TPPP2: variants seen among roughly 807,000 people sequenced by gnomAD.
The protein encoded by TPPP2 is tubulin polymerization promoting protein family member 2, also known as tubulin polymerization-promoting protein family member 2.
In TPPP2, 8 loss-of-function variants were observed where a neutral mutation model predicts 13.0. The observed-to-expected ratio is 0.62, with a 90% CI of 0.36 to 1.11. TPPP2 has a LOEUF of 1.11. Ranked by LOEUF, TPPP2 falls within the 50% of genes most tolerant of loss-of-function variation. The pLI is 0.02. For synonymous variants in TPPP2, 81 were observed against 81.8 expected, an observed-to-expected ratio of 0.99 and a Z score of 0.05; for missense variants, 213 against 216.9, an observed-to-expected ratio of 0.98 and a Z score of 0.11.
downstream of TPPP2, chr14:21,034,389 T>G: frequency 1.2e-6 from 1 of 823,854 alleles, no homozygotes; most frequent in Non-Finnish European, 1.9e-6. Context: ...CCAACAGTAC[T>G]TTAGAGATCA....
intron 2 of TPPP2, 128 bp from the exon 3 acceptor site, chr14:21,030,884 C>T (rs1884054273): frequency 2.0e-6 from 3 of 1,507,054 alleles, no homozygotes; most frequent in Non-Finnish European, 2.7e-6. Flanking sequence ...GCTGTGCTAT[C>T]CTTTGTCTTC....
At chr14:21,027,643 G>A (rs1050912463), upstream of TPPP2, among the ~76,000 whole-genome samples, 1 of 152,198 alleles carries the variant, frequency 6.6e-6, no homozygotes, top group African/African-American at 2.4e-5. Context: ...CACAACATCT[G>A]TAAATGCGGT....
At chr14:21,030,852 C>A in intron 2 of TPPP2, 98 bp downstream of exon 2, 1 of 1,515,036 alleles carries the variant, frequency 6.6e-7, no homozygotes, top group Middle Eastern at 2.3e-4. Context: ...GTGGGCCTAC[C>A]AAGCACCACA....
At chr14:21,033,363 G>A, downstream of TPPP2, 1 of 276,368 alleles carries the variant, frequency 3.6e-6, no homozygotes, top group East Asian at 1.0e-4. Flanking sequence ...CCCTGAGTAG[G>A]TGGGTGAGTG....
At position 21,025,149 on chromosome 14, in the gene TPPP2, G is replaced by T; in HGVS notation, n.236+805G>T. 1.0e-6 allele frequency: 1 copy of T among 959,268 alleles called. No individual in the cohort carries two copies. Among genetic ancestry groups the T allele is most frequent in the African/African-American group, 1.8e-5 (1 of 56,004 alleles). The allele number at this position is 959,268 out of a possible 1,614,324, so 59.4% of individuals were successfully genotyped here. On this transcript the variant is annotated intron_variant and non_coding_transcript_variant, in intron 1 of 1. Transcript: ENST00000533755. The surrounding 1 kb of genome is among the most constrained non-coding windows in gnomAD (Gnocchi z 5.1). ...CCCGCCCACGGGCGCTAGGCTCCCC[G>T]CAGACCCGCCCCAGACCCCCAGTAA...
intron 1 of TPPP2, chr14:21,024,702 G>A (rs1882813358): frequency 1.0e-6 from 1 of 985,372 alleles, no homozygotes; most frequent in African/African-American, 1.7e-5. Context: ...CCATCGGGAA[G>A]GGATGGGTAG....
rs374336364 is a variant in TPPP2, at chr14:21,031,065, A to T, written c.227A>T (p.Glu76Val). ...CAACAGTTCAAAGAGGCAGTGAAGG[A>T]ACTGGGCCAGAAGCGCTTCAAAGGG... Reference protein sequence around the residue: ...TFQQFKEAVKELGQKRFKGKS... With the variant: ...TFQQFKEAVKVLGQKRFKGKS... The change falls in exon 3 of 4, where the codon GAA (glutamate) becomes GTA (valine). Residue 76 changes from glutamate to valine, a missense_variant. Physicochemically the swap from Glu to Val is moderately radical, Grantham distance 121. Coordinates refer to ENST00000321760, the MANE Select transcript of TPPP2 (RefSeq NM_173846.5). 24 of 1,614,180 alleles carry T rather than the reference A, an allele frequency of 1.5e-5. No individual in the cohort carries two copies. Among genetic ancestry groups the T allele is most frequent in the East Asian group, 6.7e-5 (3 of 44,884 alleles).
upstream of TPPP2, among the ~76,000 whole-genome samples, chr14:21,028,186 T>C (rs1883823522): frequency 6.6e-6 from 1 of 152,166 alleles, no homozygotes. Context: ...AATTAGGCCA[T>C]ATGACCCCAG....
chr14:21,034,938 T>C (rs987158022), downstream of TPPP2, among the ~76,000 whole-genome samples: 2 of 152,246 alleles, frequency 1.3e-5, no homozygotes, highest in Non-Finnish European at 2.9e-5. Flanking sequence ...AGTTCCTAAG[T>C]GCCTGGGCTT....
In TPPP2 at chr14:21,031,155, C is replaced by T. The variant is rs777609351; in HGVS notation, c.317C>T (p.Thr106Ile). The T allele has an allele frequency of 1.1e-5, 18 of 1,613,474 alleles. No homozygotes were observed. Among genetic ancestry groups the T allele is most frequent in the Non-Finnish European group, 1.4e-5 (17 of 1,179,842 alleles). The change falls in exon 3 of 4, where the codon ACT becomes ATT. Residue 106 changes from threonine (T) to isoleucine (I), a missense_variant. Coordinates refer to ENST00000321760, the MANE Select transcript of TPPP2 (RefSeq NM_173846.5). ...GLMEGKDPAT[T>I]GATKATTVGA... is the part of the protein sequence containing the mutation. ...ATGGAGGGCAAAGACCCAGCCACCA[C>T]TGGCGCTACTGTGAGTGACAGCCTT...
chr14:21,035,460 G>A (rs546147241), downstream of TPPP2, among the ~76,000 whole-genome samples: 3 of 152,318 alleles, frequency 2.0e-5, no homozygotes, highest in South Asian at 2.1e-4. Flanking sequence ...GAATCAAAGA[G>A]CCAGCTCCCT....
upstream of TPPP2, among the ~76,000 whole-genome samples, chr14:21,026,436 G>A (rs1260979329): frequency 6.6e-6 from 1 of 151,282 alleles, no homozygotes; most frequent in Non-Finnish European, 1.5e-5. Flanking sequence ...GCTGCCAACT[G>A]CAACACCAGC....
chr14:21,031,853 A>G (rs1199559414), intron 3 of TPPP2, 39 bp from the exon 4 acceptor site: 6 of 1,598,142 alleles, frequency 3.8e-6, no homozygotes, highest in Admixed American at 3.4e-5. Context: ...TGACAGCGTA[A>G]GGAAAGGAAG....
upstream of TPPP2, chr14:21,028,979 G>C (rs1038836799): frequency 6.6e-6 from 1 of 152,186 alleles, no homozygotes; most frequent in Non-Finnish European, 1.5e-5. Context: ...CTTCTGGCCA[G>C]AGAAAAGGCC....
At chr14:21,025,848 T>A, upstream of TPPP2, 1 of 190,476 alleles carries the variant, frequency 5.3e-6, no homozygotes, top group Non-Finnish European at 8.9e-6. The surrounding 1 kb of genome is among the most constrained non-coding windows in gnomAD (Gnocchi z 5.1). Flanking sequence ...CTGGGGTCAA[T>A]GCCTCAAGGG....
At chr14:21,027,587 A>G (rs1425521582), upstream of TPPP2, among the ~76,000 whole-genome samples, 1 of 152,238 alleles carries the variant, frequency 6.6e-6, no homozygotes, top group African/African-American at 2.4e-5. Context: ...CCTGATGGAG[A>G]AAATGCAAAC....
At chr14:21,024,373 G>A in intron 1 of TPPP2, 1 of 940,764 alleles carries the variant, frequency 1.1e-6, no homozygotes, top group Non-Finnish European at 1.3e-6. Context: ...CAGAACCTCC[G>A]GATTCGAATC....
At chr14:21,029,308 T>TGG (rs1883902936), upstream of TPPP2, 1 of 152,210 alleles carries the variant, frequency 6.6e-6, no homozygotes, top group African/African-American at 2.4e-5. Context: ...TATATTAAAA[T>TGG]CCTAACTCCC....
chr14:21,032,383 A>AC lies in TPPP2; in HGVS notation c.*306_*307insC, dbSNP rs747584408. 5.2e-6 allele frequency: 2 copies of AC among 385,320 alleles called. No individual in the cohort carries two copies. Among genetic ancestry groups the AC allele is most frequent in the Non-Finnish European group, 9.8e-6 (2 of 204,492 alleles). 23.9% of individuals were successfully genotyped at this position (385,320 alleles called of 1,614,324 possible). ...AAAGAGATGAACCAGATGTGGAGGT[A>AC]AAAGTATCTACTACTTGTGTTCACA... On this transcript the variant is annotated 3_prime_UTR_variant, in exon 4 of 4. Transcript: ENST00000321760.
Sources: allele counts gnomAD v4.1 joint callset (sites outside exome capture counted in the v4.1 genomes callset), GRCh38; gene constraint gnomAD v4.1.1; non-coding constraint Gnocchi (gnomAD v3.1); transcripts MANE v1.5; gene names NCBI Gene and HGNC (gene_info 2026-07-23, HGNC 2026-07-21).